MARCHF1: variants seen among roughly 807,000 people sequenced by gnomAD.
MARCHF1 encodes membrane associated ring-CH-type finger 1.
A neutral mutation model predicts 54.2 loss-of-function variants in MARCHF1; 40 were observed. The ratio of observed to expected loss-of-function variants is 0.74; its 90% CI spans 0.57 to 0.96. The LOEUF is 0.96. Among genes scored for constraint, MARCHF1 ranks in the 40% least tolerant of loss-of-function variants. MARCHF1 has a pLI of 0.00. For missense variants in MARCHF1, 586 were observed against 656.5 expected (o/e 0.89, Z 1.17); for synonymous variants, 236 against 236.3 (o/e 1.00, Z 0.01).
intron 1 of MARCHF1, among the ~76,000 whole-genome samples, chr4:164,207,049 C>G (rs1264275869): frequency 6.6e-6 from 1 of 152,146 alleles, no homozygotes; most frequent in African/African-American, 2.4e-5. Flanking sequence ...AGGCACTGCT[C>G]TAAGCATTTA....
At chr4:164,034,726 C>T (rs900276998) in intron 2 of MARCHF1, among the ~76,000 whole-genome samples, 3 of 151,656 alleles carry the variant, frequency 2.0e-5, no homozygotes, top group Non-Finnish European at 4.4e-5. Context: ...TACAAAAAAC[C>T]TTATTTTAAA....
chr4:163,575,878 G>C (rs1740020187), intron 8 of MARCHF1, among the ~76,000 whole-genome samples: 1 of 151,986 alleles, frequency 6.6e-6, no homozygotes, highest in African/African-American at 2.4e-5. Flanking sequence ...ATTTCTGGGA[G>C]ATCGGTTGTA....
At chr4:163,984,759 A>G (rs1752829322) in intron 3 of MARCHF1, among the ~76,000 whole-genome samples, 1 of 152,214 alleles carries the variant, frequency 6.6e-6, no homozygotes. Flanking sequence ...ATGTGAATTA[A>G]TTACAGCATA....
rs151043747 is a variant in MARCHF1, at chr4:164,165,456, G to A, written c.-322-53794C>T. On this transcript the variant is annotated intron_variant, in intron 1 of 9. Coordinates refer to ENST00000514618, the MANE Select transcript of MARCHF1 (RefSeq NM_001394959.1). ...TAACCTTCTGCAAGACAGGAAGAGA[G>A]CCCTCAACACAACCAAGCCGTGCTG... Among the ~76,000 whole-genome samples the A allele has an allele frequency of 3.1e-3, 474 of 151,914 alleles. 3 individuals carry two copies. The highest frequency in any genetic ancestry group is 0.011 in the African/African-American group (454 of 41,456).
intron 4 of MARCHF1, among the ~76,000 whole-genome samples, chr4:163,788,693 C>G (rs1006745627): frequency 2.0e-5 from 3 of 151,960 alleles, no homozygotes; most frequent in African/African-American, 2.4e-5. Flanking sequence ...GAGGTACATG[C>G]TATCAATAAG....
At chr4:163,656,046 T>C (rs1441047784) in intron 5 of MARCHF1, among the ~76,000 whole-genome samples, 3 of 146,274 alleles carry the variant, frequency 2.1e-5, no homozygotes, top group African/African-American at 7.6e-5. Context: ...AGACAAGAAA[T>C]AATGAAGCTC....
intron 2 of MARCHF1, among the ~76,000 whole-genome samples, chr4:164,089,635 C>A (rs1408961367): frequency 6.6e-6 from 1 of 151,716 alleles, no homozygotes; most frequent in African/African-American, 2.4e-5. Flanking sequence ...GACCTTAAAT[C>A]TACTAATATT....
chr4:163,788,632 T>C (rs1057179813), intron 4 of MARCHF1, among the ~76,000 whole-genome samples: 4 of 152,012 alleles, frequency 2.6e-5, no homozygotes, highest in Admixed American at 6.6e-5. Context: ...GTTATGAATT[T>C]TGTAAAGAAC....
intron 1 of MARCHF1, among the ~76,000 whole-genome samples, chr4:164,163,034 T>C (rs1451806781): frequency 6.6e-6 from 1 of 151,974 alleles, no homozygotes; most frequent in African/African-American, 2.4e-5. Context: ...TCAGTGAAAA[T>C]ATCATACATG....
At chr4:164,199,154 C>T (rs1204791207) in intron 1 of MARCHF1, among the ~76,000 whole-genome samples, 1 of 152,204 alleles carries the variant, frequency 6.6e-6, no homozygotes, top group African/African-American at 2.4e-5. Flanking sequence ...AATGAGCTTA[C>T]ATAAACTGCC....
At chr4:164,227,631 A>G (rs1732294860) in intron 1 of MARCHF1, among the ~76,000 whole-genome samples, 2 of 152,148 alleles carry the variant, frequency 1.3e-5, no homozygotes, top group South Asian at 4.1e-4. Flanking sequence ...ATTTTAAAAA[A>G]TAGTGTGGGA....
chr4:164,089,701 G>C (rs1755261272), intron 2 of MARCHF1, among the ~76,000 whole-genome samples: 1 of 151,878 alleles, frequency 6.6e-6, no homozygotes, highest in Non-Finnish European at 1.5e-5. Flanking sequence ...GGATCCTCAA[G>C]ATCCAAGAAA....
chr4:163,752,119 T>C (rs1030527510), intron 4 of MARCHF1, among the ~76,000 whole-genome samples: 1 of 152,212 alleles, frequency 6.6e-6, no homozygotes, highest in Non-Finnish European at 1.5e-5. Context: ...GCTGTAATAA[T>C]GTGTCATCTA....
intron 2 of MARCHF1, among the ~76,000 whole-genome samples, chr4:164,069,734 A>G (rs1270887319): frequency 6.6e-6 from 1 of 152,200 alleles, no homozygotes; most frequent in Non-Finnish European, 1.5e-5. Flanking sequence ...GAGACCAAGA[A>G]CCCACCAATT....
At chr4:163,722,594 T>C (rs1164171123) in intron 4 of MARCHF1, among the ~76,000 whole-genome samples, 1 of 152,130 alleles carries the variant, frequency 6.6e-6, no homozygotes, top group African/African-American at 2.4e-5. Context: ...TTGTTAACTT[T>C]GTCTCATTGA....
chr4:163,920,869 T>C (rs1050216615), intron 3 of MARCHF1, among the ~76,000 whole-genome samples: 1 of 152,208 alleles, frequency 6.6e-6, no homozygotes, highest in Non-Finnish European at 1.5e-5. Flanking sequence ...TTTTAAGTAC[T>C]GTAATCTGAA....
chr4:163,707,932 C>T (rs1744997276), intron 4 of MARCHF1, among the ~76,000 whole-genome samples: 1 of 151,890 alleles, frequency 6.6e-6, no homozygotes. Flanking sequence ...CATCTGACTC[C>T]CTACTAAGCT....
At chr4:164,379,904 C>A (rs554709092) in intron 1 of MARCHF1, among the ~76,000 whole-genome samples, 1 of 151,622 alleles carries the variant, frequency 6.6e-6, no homozygotes, top group South Asian at 2.1e-4. Flanking sequence ...GCAGTGATTG[C>A]GCCACTGCAT....
intron 3 of MARCHF1, among the ~76,000 whole-genome samples, chr4:163,927,383 A>T (rs539396778): frequency 6.6e-6 from 1 of 151,892 alleles, no homozygotes; most frequent in East Asian, 1.9e-4. Flanking sequence ...ATCCATTGAA[A>T]CTAAAATTTA....
Sources: gnomAD v4.1 joint callset for allele counts (sites outside exome capture counted in the v4.1 genomes callset) on GRCh38, gnomAD v4.1.1 for gene constraint, MANE v1.5 for transcripts, NCBI Gene and HGNC (gene_info 2026-07-23, HGNC 2026-07-21) for gene names.